The following FRMPD2 variants were observed in gnomAD, a reference collection of about 807,000 sequenced individuals.
FRMPD2 encodes the protein FERM and PDZ domain containing 2.
FRMPD2 carries 96 observed loss-of-function variants against 140.1 expected under a neutral mutation model. The ratio of observed to expected loss-of-function variants is 0.69; its 90% confidence interval spans 0.58 to 0.81. The LOEUF is 0.81. Among genes scored for constraint, FRMPD2 ranks in the 40% least tolerant of loss-of-function variants. FRMPD2 has a pLI of 0.00. For missense variants in FRMPD2, 1,240 were observed against 1,447.4 expected, an observed-to-expected ratio of 0.86 and a Z score of 2.32; for synonymous variants, 449 against 547.6, an observed-to-expected ratio of 0.82 and a Z score of 2.52.
At chr10:48,260,621 A>T (rs144790583) in intron 1 of FRMPD2, among the ~76,000 whole-genome samples, 143 of 152,314 alleles carry the variant, frequency 9.4e-4, no homozygotes, top group African/African-American at 3.3e-3. Context: ...TAATACCTAC[A>T]GCTATAGCAA....
intron 1 of FRMPD2, among the ~76,000 whole-genome samples, chr10:48,273,023 T>C (rs78866100): frequency 0.014 from 2,100 of 152,340 alleles, 54 homozygotes; most frequent in African/African-American, 0.048. Context: ...AATGGCTATA[T>C]AGAATTTGTA....
At chr10:48,194,169 T>C (rs1838901417) in intron 15 of FRMPD2, among the ~76,000 whole-genome samples, 1 of 152,232 alleles carries the variant, frequency 6.6e-6, no homozygotes, top group Admixed American at 6.5e-5. Context: ...AAGCACATTA[T>C]CTGCATTGTC....
rs774547625 is a variant in FRMPD2, at chr10:48,206,784, C to A, written c.1761G>T (p.Arg587=). 1 of 1,614,068 alleles carries A rather than the reference C, an allele frequency of 6.2e-7. No homozygotes were observed. The highest frequency in any genetic ancestry group is 8.5e-7 in the Non-Finnish European group (1 of 1,179,938). ...VKNNSRIAML[R]FQWRETGKIS... is the part of the protein sequence containing the mutation. The stretch of plus-strand genomic sequence containing the variant: ...TCTTCCCGGTTTCTCTCCACTGAAA[C>A]CGTAACATTGCAATTCTGCTGTTGT... The change falls in exon 14 of 29, where the codon CGG becomes CGT. Residue 587 remains arginine, a synonymous_variant. Transcript: ENST00000374201.
chr10:48,213,358 AAC>A (rs1488139848), intron 12 of FRMPD2, among the ~76,000 whole-genome samples: 2 of 152,258 alleles, frequency 1.3e-5, no homozygotes, highest in African/African-American at 4.8e-5. Flanking sequence ...GAACAACAGG[AAC>A]TCTCAGTCGT....
intron 8 of FRMPD2, among the ~76,000 whole-genome samples, chr10:48,236,973 C>T (rs1839981420): frequency 6.6e-6 from 1 of 152,066 alleles, no homozygotes; most frequent in Non-Finnish European, 1.5e-5. Context: ...GAATCAATAG[C>T]TTAGTGGGCA....
At chr10:48,209,245 GA>G (rs1218332925) in intron 13 of FRMPD2, among the ~76,000 whole-genome samples, 1 of 152,118 alleles carries the variant, frequency 6.6e-6, no homozygotes, top group Non-Finnish European at 1.5e-5. Flanking sequence ...TCAATAGCAA[GA>G]AAAAAATCTT....
intron 12 of FRMPD2, among the ~76,000 whole-genome samples, chr10:48,218,459 G>C (rs1310812221): frequency 6.6e-6 from 1 of 152,172 alleles, no homozygotes; most frequent in Admixed American, 6.5e-5. Flanking sequence ...CTTTTTGAAG[G>C]AGGAAATGGG....
chr10:48,273,461 G>C (rs1465232340), intron 1 of FRMPD2, among the ~76,000 whole-genome samples: 2 of 152,120 alleles, frequency 1.3e-5, no homozygotes, highest in Admixed American at 6.5e-5. Flanking sequence ...ACTGCCTGCT[G>C]TTCCCAGAGC....
Position 48,202,395 on chromosome 10 carries a change from A to G in FRMPD2, c.1798-1011T>C, listed in dbSNP as rs150664890. 3.1e-3 allele frequency among the ~76,000 whole-genome samples: 470 copies of G among 152,300 alleles called. 2 individuals are homozygous for G. Among genetic ancestry groups the G allele is most frequent in the African/African-American group, 0.011 (449 of 41,554 alleles). Reference sequence around the variant, plus strand: ...GAAACTCCATTCACGCATGTCAGATATCAACAAAAGGCAGATAAATATTCA... The same window carrying G: ...GAAACTCCATTCACGCATGTCAGATGTCAACAAAAGGCAGATAAATATTCA... On this transcript the variant is annotated intron_variant, in intron 14 of 28. Coordinates refer to ENST00000374201, the MANE Select transcript of FRMPD2 (RefSeq NM_001018071.4).
chr10:48,206,846 T>C lies in FRMPD2; in HGVS notation c.1699A>G (p.Ile567Val). 1 of 1,614,060 alleles carries C rather than the reference T, an allele frequency of 6.2e-7. No individual in the cohort carries two copies. Among genetic ancestry groups the C allele is most frequent in the Non-Finnish European group, 8.5e-7 (1 of 1,179,916 alleles). ...TAGACTATGACACCCTTGGCACAGA[T>C]CCCCAGGGCCATCTCCTCTTCTGGC... Reference protein sequence around the residue: ...RRPEEEMALGICAKGVIVYEV... With the variant: ...RRPEEEMALGVCAKGVIVYEV... The change falls in exon 14 of 29, where the codon ATC (isoleucine) becomes GTC (valine). Residue 567 changes from isoleucine to valine, a missense_variant. Physicochemically the swap from Ile to Val is conservative, Grantham distance 29 (BLOSUM62 3). Around this residue, in one of 6 missense-constraint regions of FRMPD2, gnomAD observed 1,161 missense variants for 1,055.9 expected, o/e 1.10. Coordinates refer to ENST00000374201, the MANE Select transcript of FRMPD2 (RefSeq NM_001018071.4).
At position 48,239,589 on chromosome 10, in the gene FRMPD2, A is replaced by G. The variant is rs770742833; in HGVS notation, c.788+16T>C. ...TCACATCAAGTTCACAGCACCCTTT[A>G]GGCCTTGCTGCTTACCGGTTAACAA... is the stretch of plus-strand genomic sequence containing the variant. On this transcript the variant is annotated intron_variant, in intron 7 of 28. Coordinates refer to ENST00000374201, the MANE Select transcript of FRMPD2 (RefSeq NM_001018071.4). 2 of 1,604,500 alleles carry G rather than the reference A, an allele frequency of 1.2e-6. No individual in the cohort carries two copies. The highest frequency in any genetic ancestry group is 1.7e-6 in the Non-Finnish European group (2 of 1,171,364).
Position 48,156,766 on chromosome 10 carries a change from G to A in FRMPD2, c.*556C>T, listed in dbSNP as rs1228229838. 1.1e-4 allele frequency: 20 copies of A among 181,686 alleles called. 2 individuals carry two copies. In the East Asian group the frequency reaches 1.7e-3, roughly 15 times the overall value. 11.3% of individuals were successfully genotyped at this position (181,686 alleles called of 1,614,324 possible). A position where few individuals can be genotyped will look rare whatever the true frequency, so the allele number is the denominator to read the frequency against. On this transcript the variant is annotated 3_prime_UTR_variant, in exon 29 of 29. Coordinates refer to ENST00000374201, the MANE Select transcript of FRMPD2 (RefSeq NM_001018071.4). ...GACTCGTCACATGGCAAGCAGAGTC[G>A]GTCAGACTTTGGACAAGTTTATTGA...
chr10:48,222,582 G>T, intron 11 of FRMPD2, 131 bp from the exon 12 acceptor site: 1 of 927,830 alleles, frequency 1.1e-6, no homozygotes, highest in Non-Finnish European at 1.6e-6. Context: ...AGAATTCAGA[G>T]GCAATGCCAG....
Position 48,159,957 on chromosome 10 carries a change from AT to A in FRMPD2, c.3882-2588del, listed in dbSNP as rs200646491. 2.3e-3 allele frequency among the ~76,000 whole-genome samples: 343 copies of A among 151,640 alleles called. 7 individuals are homozygous for A. Among genetic ancestry groups the A allele is most frequent in the African/African-American group, 7.6e-3 (314 of 41,216 alleles). ...TAAAGACAAACATTTTGCATACAGC[AT>A]GGCCCATAAATGCAAGCCTCCTAAC... On this transcript the variant is annotated intron_variant, in intron 28 of 28. Coordinates refer to ENST00000374201, the MANE Select transcript of FRMPD2 (RefSeq NM_001018071.4).
At chr10:48,188,328 G>A (rs1049576926) in intron 16 of FRMPD2, among the ~76,000 whole-genome samples, 12 of 152,228 alleles carry the variant, frequency 7.9e-5, no homozygotes, top group Non-Finnish European at 1.5e-5. Flanking sequence ...CAGCCAGAAA[G>A]GGAAGAACAG....
chr10:48,171,519 C>T (rs1214062566), intron 25 of FRMPD2, among the ~76,000 whole-genome samples: 19 of 151,858 alleles, frequency 1.3e-4, no homozygotes, highest in Non-Finnish European at 1.5e-4. Flanking sequence ...AGGTTAAATA[C>T]GCTATAATCG....
At chr10:48,245,941 G>C (rs537751175) in intron 3 of FRMPD2, among the ~76,000 whole-genome samples, 16 of 152,308 alleles carry the variant, frequency 1.1e-4, no homozygotes, top group Non-Finnish European at 1.6e-4. Flanking sequence ...TTAGTTTTTG[G>C]TTTTGGTTGT....
intron 15 of FRMPD2, 52 bp from the exon 16 acceptor site, chr10:48,192,946 G>T (rs1185248995): frequency 7.4e-7 from 1 of 1,351,336 alleles, no homozygotes; most frequent in Non-Finnish European, 1.1e-6. Context: ...AATGATGCTG[G>T]ATCCATTGCT....
Position 48,167,970 on chromosome 10 carries a change from C to T in FRMPD2, c.3537+625G>A, listed in dbSNP as rs1377177075. ...TCTGGGTCTCCAGCCTGCTGGCCTC[C>T]CCTGTAGAATTGGACTGGCCAGCCC... is the stretch of plus-strand genomic sequence containing the variant. On this transcript the variant is annotated intron_variant, in intron 27 of 28. Transcript: ENST00000374201. Among the ~76,000 whole-genome samples the T allele has an allele frequency of 1.4e-4, 21 of 148,448 alleles. No individual in the cohort carries two copies. The East Asian group carries it at 4.1e-3, about 29-fold the overall frequency.
Sources: gnomAD v4.1 joint callset for allele counts (sites outside exome capture counted in the v4.1 genomes callset) on GRCh38, gnomAD v4.1.1 for gene constraint, gnomAD v4.1.1 regional missense constraint, MANE v1.5 for transcripts, NCBI Gene and HGNC (gene_info 2026-07-23, HGNC 2026-07-21) for gene names.